The following LCMT1 variants were observed in gnomAD, a reference collection of about 807,000 sequenced individuals.
The protein encoded by LCMT1 is leucine carboxyl methyltransferase 1.
In LCMT1, 32 loss-of-function variants were observed where a neutral mutation model predicts 47.7. That is an observed-to-expected ratio of 0.67 (90% CI 0.51 to 0.90). LCMT1 has a LOEUF of 0.90. Among genes scored for constraint, LCMT1 ranks in the 40% least tolerant of loss-of-function variants. The pLI is 0.00. For missense variants in LCMT1, 375 were observed against 415.2 expected (o/e 0.90, Z 0.84); for synonymous variants, 152 against 149.7 (o/e 1.02, Z -0.11).
chr16:25,123,241 T>TA (rs1256309482), intron 1 of LCMT1, among the ~76,000 whole-genome samples: 1 of 149,352 alleles, frequency 6.7e-6, no homozygotes, highest in South Asian at 2.1e-4. Context: ...TTTTTTTTTT[T>TA]TGTGACAGAG....
At chr16:25,145,811 G>C (rs1281583840) in intron 4 of LCMT1, 3 of 152,256 alleles carry the variant, frequency 2.0e-5, no homozygotes, top group Admixed American at 2.0e-4. Context: ...CCAGGCTTCA[G>C]GTCTGTCTTT....
intron 5 of LCMT1, among the ~76,000 whole-genome samples, chr16:25,153,016 A>G (rs1961127720): frequency 6.6e-6 from 1 of 152,196 alleles, no homozygotes; most frequent in African/African-American, 2.4e-5. Context: ...TAGTCAGCAC[A>G]GGTAACACCG....
chr16:25,149,910 CAAAAAAAAAA>C (rs34229848), intron 4 of LCMT1, among the ~76,000 whole-genome samples: 5 of 60,200 alleles, frequency 8.3e-5, no homozygotes, highest in African/African-American at 1.9e-4. Flanking sequence ...AAGACTGTCT[CAAAAAAAAAA>C]AAAAAAAAAA....
At chr16:25,153,851 G>C (rs1007869371) in intron 5 of LCMT1, among the ~76,000 whole-genome samples, 4 of 151,982 alleles carry the variant, frequency 2.6e-5, no homozygotes, top group African/African-American at 9.7e-5. Context: ...TATTTGGGAA[G>C]CTAAGGCAGG....
At chr16:25,120,189 C>A (rs1959925734) in intron 1 of LCMT1, among the ~76,000 whole-genome samples, 1 of 151,026 alleles carries the variant, frequency 6.6e-6, no homozygotes, top group African/African-American at 2.4e-5. Flanking sequence ...CCCCAAAAAA[C>A]CTTGTCCATC....
chr16:25,112,088 G>T, intron 1 of LCMT1, 92 bp downstream of exon 1: 1 of 824,180 alleles, frequency 1.2e-6, no homozygotes. Flanking sequence ...CTCAAGGCTG[G>T]CAGGGATGCA....
At chr16:25,150,510 A>G (rs1961047992) in intron 4 of LCMT1, among the ~76,000 whole-genome samples, 1 of 151,502 alleles carries the variant, frequency 6.6e-6, no homozygotes, top group South Asian at 2.1e-4. Flanking sequence ...ATGCCTGGCT[A>G]ATTTTGTATT....
At chr16:25,119,311 G>A (rs2141626440) in intron 1 of LCMT1, among the ~76,000 whole-genome samples, 1 of 152,026 alleles carries the variant, frequency 6.6e-6, no homozygotes, top group African/African-American at 2.4e-5. Context: ...GTAACACCCT[G>A]TTCATCTTCT....
chr16:25,134,193 T>G (rs1960438366), intron 3 of LCMT1, among the ~76,000 whole-genome samples: 1 of 152,186 alleles, frequency 6.6e-6, no homozygotes, highest in Admixed American at 6.5e-5. Flanking sequence ...CTTATCTGTT[T>G]TGTCCCCTAA....
At chr16:25,132,103 G>T in intron 2 of LCMT1, 2 of 437,952 alleles carry the variant, frequency 4.6e-6, no homozygotes, top group East Asian at 5.5e-5. Context: ...TTTCCAAGAT[G>T]GACTTTAGAC....
At chr16:25,132,363 T>A (rs1002539002) in intron 2 of LCMT1, 39 bp from the exon 3 acceptor site, 13 of 1,610,744 alleles carry the variant, frequency 8.1e-6, no homozygotes, top group Non-Finnish European at 9.3e-6. Flanking sequence ...CTGTCATCAC[T>A]GGGTGATAGC....
At chr16:25,132,229 A>G in intron 2 of LCMT1, 173 bp from the exon 3 acceptor site, 1 of 641,882 alleles carries the variant, frequency 1.6e-6, no homozygotes, top group South Asian at 2.6e-5. Flanking sequence ...CCTTTAACCA[A>G]AAAAAAAAAA....
chr16:25,128,798 T>A (rs1321895522), intron 2 of LCMT1, among the ~76,000 whole-genome samples: 1 of 147,564 alleles, frequency 6.8e-6, no homozygotes, highest in Non-Finnish European at 1.5e-5. Flanking sequence ...CTTAGCAAAC[T>A]AACAGAGGAA....
intron 1 of LCMT1, among the ~76,000 whole-genome samples, chr16:25,113,047 C>T (rs191717724): frequency 1.5e-4 from 22 of 145,182 alleles, no homozygotes; most frequent in African/African-American, 3.8e-4. Context: ...AGGCTGAGGC[C>T]GGAGAATCAT....
At chr16:25,155,933 C>T (rs1961242912) in intron 5 of LCMT1, among the ~76,000 whole-genome samples, 1 of 152,224 alleles carries the variant, frequency 6.6e-6, no homozygotes, top group East Asian at 1.9e-4. Flanking sequence ...CCTCCCGCCT[C>T]GACCTCTCAG....
chr16:25,177,292 G>C (rs1197311758), intron 10 of LCMT1, among the ~76,000 whole-genome samples: 1 of 152,096 alleles, frequency 6.6e-6, no homozygotes, highest in African/African-American at 2.4e-5. Flanking sequence ...GTATGACTAA[G>C]AAAATCCACC....
chr16:25,149,035 G>A (rs1054905902), intron 4 of LCMT1: 1 of 152,350 alleles, frequency 6.6e-6, no homozygotes, highest in Non-Finnish European at 1.5e-5. Context: ...AAGCATGTGA[G>A]GGGTAGGGAA....
chr16:25,120,752 G>GTT (rs377043606), intron 1 of LCMT1, among the ~76,000 whole-genome samples: 54 of 114,470 alleles, frequency 4.7e-4, no homozygotes, highest in Non-Finnish European at 8.0e-4. Context: ...TTTTTTTTTT[G>GTT]TTTTTTTTTT....
chr16:25,169,024 G>A (rs1269464027), intron 7 of LCMT1, 88 bp from the exon 8 acceptor site: 21 of 953,030 alleles, frequency 2.2e-5, no homozygotes, highest in African/African-American at 1.6e-4. Flanking sequence ...CGTCAGCCTC[G>A]GCTGCTTAAA....
Sources: allele counts gnomAD v4.1 joint callset (sites outside exome capture counted in the v4.1 genomes callset), GRCh38; gene constraint gnomAD v4.1.1; transcripts MANE v1.5; gene names NCBI Gene and HGNC (gene_info 2026-07-23, HGNC 2026-07-21).